Variants in LRRC4C observed in about 807,000 individuals in gnomAD.
LRRC4C encodes leucine-rich repeat-containing protein 4C.
Under a neutral mutation model 33.6 loss-of-function variants are expected in LRRC4C, and 5 were observed. That is an observed-to-expected ratio of 0.15 (90% CI 0.08 to 0.31). The LOEUF (loss-of-function observed/expected upper bound fraction) is 0.31. Ranked by LOEUF, LRRC4C falls within the 10% of genes least tolerant of loss-of-function variation. The pLI is 1.00. For synonymous variants in LRRC4C, 329 were observed against 302.0 expected (o/e 1.09, Z -0.93); for missense variants, 560 against 796.7 (o/e 0.70, Z 3.58).
intron 2 of LRRC4C, among the ~76,000 whole-genome samples, chr11:40,719,566 C>T (rs1049135748): frequency 6.6e-6 from 1 of 152,110 alleles, no homozygotes; most frequent in Non-Finnish European, 1.5e-5. Context: ...AGCAAAGCTG[C>T]TTTTGGATGA....
chr11:40,384,134 G>C (rs1393417807), intron 3 of LRRC4C, among the ~76,000 whole-genome samples: 2 of 151,416 alleles, frequency 1.3e-5, no homozygotes, highest in Non-Finnish European at 2.9e-5. Context: ...TGCTTTTGTT[G>C]CATGTTTTTT....
chr11:41,177,619 T>A (rs1287697350), intron 1 of LRRC4C, among the ~76,000 whole-genome samples: 1 of 152,186 alleles, frequency 6.6e-6, no homozygotes, highest in African/African-American at 2.4e-5. Context: ...TTCATTTGGA[T>A]GAGTCAATTC....
At chr11:40,469,247 G>A (rs1952803867) in intron 3 of LRRC4C, among the ~76,000 whole-genome samples, 1 of 152,174 alleles carries the variant, frequency 6.6e-6, no homozygotes, top group African/African-American at 2.4e-5. Flanking sequence ...GAAGCAGGGT[G>A]GGGTGTCACC....
At chr11:40,768,354 T>C (rs1337812040) in intron 2 of LRRC4C, among the ~76,000 whole-genome samples, 1 of 152,058 alleles carries the variant, frequency 6.6e-6, no homozygotes, top group African/African-American at 2.4e-5. Flanking sequence ...ACTTGGGACC[T>C]GGTGGTTTCA....
At chr11:40,284,554 G>A (rs1019907296) in intron 4 of LRRC4C, among the ~76,000 whole-genome samples, 4 of 152,172 alleles carry the variant, frequency 2.6e-5, no homozygotes, top group Non-Finnish European at 4.4e-5. Context: ...GAGGAAGAAC[G>A]AGTAATAGAC....
intron 2 of LRRC4C, among the ~76,000 whole-genome samples, chr11:40,779,676 T>A (rs2137259882): frequency 6.6e-6 from 1 of 152,288 alleles, no homozygotes; most frequent in South Asian, 2.1e-4. Context: ...AGTTCCCTTA[T>A]AATTAAAGTT....
At chr11:40,889,179 G>C (rs1955588867) in intron 2 of LRRC4C, among the ~76,000 whole-genome samples, 1 of 152,018 alleles carries the variant, frequency 6.6e-6, no homozygotes, top group South Asian at 2.1e-4. Flanking sequence ...AAAAGAGTTA[G>C]ATATGTTCAG....
intron 3 of LRRC4C, among the ~76,000 whole-genome samples, chr11:40,443,585 C>T (rs1951491624): frequency 6.6e-6 from 1 of 152,146 alleles, no homozygotes; most frequent in African/African-American, 2.4e-5. Flanking sequence ...TGGTCATTCT[C>T]AGTAAAGTAC....
intron 3 of LRRC4C, among the ~76,000 whole-genome samples, chr11:40,336,690 T>C (rs1303039012): frequency 6.6e-6 from 1 of 152,000 alleles, no homozygotes; most frequent in Admixed American, 6.6e-5. Context: ...GAAGAGCGAA[T>C]CAGGGGCTGG....
intron 2 of LRRC4C, among the ~76,000 whole-genome samples, chr11:40,750,337 C>T (rs1948620870): frequency 6.6e-6 from 1 of 152,062 alleles, no homozygotes. Context: ...GGAGGGAATT[C>T]TCCCTAACTC....
intron 4 of LRRC4C, among the ~76,000 whole-genome samples, chr11:40,310,659 C>G (rs577697071): frequency 8.5e-5 from 13 of 152,236 alleles, no homozygotes; most frequent in South Asian, 4.1e-4. Context: ...TAAGCATTAA[C>G]TCACAACAAC....
chr11:41,381,109 C>T (rs1953130014), intron 1 of LRRC4C, among the ~76,000 whole-genome samples: 1 of 152,070 alleles, frequency 6.6e-6, no homozygotes, highest in Non-Finnish European at 1.5e-5. Context: ...GAGAAGCGAG[C>T]ACATAGGATT....
chr11:40,289,892 C>T (rs1319152514), intron 4 of LRRC4C, among the ~76,000 whole-genome samples: 1 of 152,152 alleles, frequency 6.6e-6, no homozygotes, highest in Non-Finnish European at 1.5e-5. Context: ...GATTCTCTCT[C>T]TTCACTTCTT....
chr11:41,443,995 G>A (rs1014971282), intron 1 of LRRC4C, among the ~76,000 whole-genome samples: 7 of 152,036 alleles, frequency 4.6e-5, no homozygotes, highest in African/African-American at 1.7e-4. Flanking sequence ...GGCACTATGT[G>A]AAACATCACA....
intron 3 of LRRC4C, among the ~76,000 whole-genome samples, chr11:40,579,342 GA>G (rs1209327748): frequency 6.6e-6 from 1 of 150,958 alleles, no homozygotes; most frequent in African/African-American, 2.4e-5. Flanking sequence ...AAAAGGAATA[GA>G]AAAAAAAGTA....
intron 2 of LRRC4C, among the ~76,000 whole-genome samples, chr11:40,659,619 CT>C (rs1336521511): frequency 6.6e-6 from 1 of 152,210 alleles, no homozygotes; most frequent in African/African-American, 2.4e-5. Context: ...GAACTACCAA[CT>C]TAGGGTATCT....
chr11:40,401,850 T>G (rs985875506), intron 3 of LRRC4C, among the ~76,000 whole-genome samples: 1 of 152,134 alleles, frequency 6.6e-6, no homozygotes, highest in African/African-American at 2.4e-5. Context: ...TTTTCTATGG[T>G]GTGTGCATGT....
intron 2 of LRRC4C, among the ~76,000 whole-genome samples, chr11:40,884,945 A>G (rs1955373103): frequency 6.6e-6 from 1 of 152,060 alleles, no homozygotes; most frequent in African/African-American, 2.4e-5. Flanking sequence ...ACACATGGAC[A>G]CAAGAGTGGA....
At chr11:40,337,726 A>G (rs1788014015) in intron 3 of LRRC4C, among the ~76,000 whole-genome samples, 1 of 152,182 alleles carries the variant, frequency 6.6e-6, no homozygotes. Flanking sequence ...TGTGTGTTAC[A>G]TAGGTAAACT....
Sources: allele counts gnomAD v4.1 joint callset (sites outside exome capture counted in the v4.1 genomes callset), GRCh38; gene constraint gnomAD v4.1.1; transcripts MANE v1.5; gene names NCBI Gene and HGNC (gene_info 2026-07-23, HGNC 2026-07-21).